Variants in MICU3 observed in about 807,000 individuals in gnomAD.
The protein encoded by MICU3 is mitochondrial calcium uptake 3, also known as calcium uptake protein 3, mitochondrial.
A neutral mutation model predicts 66.5 loss-of-function variants in MICU3; 62 were observed. The observed-to-expected ratio is 0.93, with a 90% CI of 0.76 to 1.15. The LOEUF (loss-of-function observed/expected upper bound fraction) is 1.15, where lower values mean the gene tolerates loss of function less well. Among genes scored for constraint, MICU3 ranks in the 50% most tolerant of loss-of-function variants. The pLI is 0.00. For synonymous variants in MICU3, 308 were observed against 240.7 expected, an observed-to-expected ratio of 1.28 and a Z score of -2.59; for missense variants, 779 against 664.4, an observed-to-expected ratio of 1.17 and a Z score of -1.90.
chr8:17,117,280 T>C (rs1213025627), intron 13 of MICU3, among the ~76,000 whole-genome samples: 1 of 152,192 alleles, frequency 6.6e-6, no homozygotes, highest in Admixed American at 6.5e-5. Context: ...ACCTGGCCAC[T>C]ATTTCTCATT....
chr8:17,035,699 T>C lies in MICU3; in HGVS notation c.381+8039T>C, dbSNP rs191137075. ...GTGATGTTAAAGGCATTCAGTTTTA[T>C]GTATTCACAAAGATATGGTTTGGAA... On this transcript the variant is annotated intron_variant, in intron 1 of 14. Coordinates refer to ENST00000318063, the MANE Select transcript of MICU3 (RefSeq NM_181723.3). Among the ~76,000 whole-genome samples the C allele has an allele frequency of 2.0e-4, 30 of 152,344 alleles. No homozygotes were observed. The East Asian group carries it at 5.2e-3, about 26-fold the overall frequency.
intron 1 of MICU3, among the ~76,000 whole-genome samples, chr8:17,052,163 C>G (rs73539156): frequency 1.3e-5 from 2 of 151,984 alleles, no homozygotes; most frequent in Non-Finnish European, 2.9e-5. Flanking sequence ...GTAAAGAACC[C>G]TATAATGTAA....
chr8:17,117,051 C>T (rs569011385), intron 13 of MICU3, among the ~76,000 whole-genome samples: 42 of 152,288 alleles, frequency 2.8e-4, no homozygotes, highest in African/African-American at 8.7e-4. Context: ...GATCACAGCT[C>T]ACTGCAGCCT....
chr8:17,099,161 A>G (rs58843780), intron 9 of MICU3, among the ~76,000 whole-genome samples: 29,358 of 151,552 alleles, frequency 0.19, 3,095 homozygotes, highest in African/African-American at 0.26. Flanking sequence ...CCATTCTTAC[A>G]CCACTGTCAA....
chr8:17,114,136 A>C lies in MICU3; in HGVS notation c.1301A>C (p.Asn434Thr), dbSNP rs758491843. ...TTCAGGTCATTTTTCCAGTTTTTAA[A>C]CAACCTAGAAGACTTTGCAATAGCC... ...DEFRSFFQFL[N>T]NLEDFAIALN... Residue 434 changes from asparagine (N) to threonine (T), a missense_variant, in exon 12 of 15, where the codon AAC (asparagine) becomes ACC (threonine). Physicochemically the swap from Asn to Thr is moderately conservative, Grantham distance 65. Coordinates refer to ENST00000318063, the MANE Select transcript of MICU3 (RefSeq NM_181723.3). 6.2e-7 allele frequency: 1 copy of C among 1,612,308 alleles called. No homozygotes were observed.
At chr8:17,137,521 T>TAAAAA in the MICU3 span, among the ~76,000 whole-genome samples, 1 of 134,604 alleles carries the variant, frequency 7.4e-6, no homozygotes, top group Non-Finnish European at 1.6e-5. Context: ...TGCTTTTTTT[T>TAAAAA]AAAAAAAAAA....
intron 1 of MICU3, among the ~76,000 whole-genome samples, chr8:17,040,672 C>T (rs72607363): frequency 0.087 from 13,249 of 152,188 alleles, 893 homozygotes; most frequent in East Asian, 0.38. Flanking sequence ...TTAGAGGCAT[C>T]CTTAGACTTC....
chr8:17,069,507 G>A (rs777609948), intron 2 of MICU3, among the ~76,000 whole-genome samples, 181 bp from the exon 3 acceptor site: 8 of 151,910 alleles, frequency 5.3e-5, no homozygotes, highest in Non-Finnish European at 1.2e-4. Context: ...TAGTATATAT[G>A]AAGCAAATAG....
At position 17,121,533 on chromosome 8, in the gene MICU3, G is replaced by GCC. The variant is rs1184988151; in HGVS notation, c.*1247_*1248insCC. ...GTCTGAATTAACGTATTTACATATT[G>GCC]CATATGGAAGATAAGTTCATTTATC... On this transcript the variant is annotated 3_prime_UTR_variant, in exon 15 of 15. Transcript: ENST00000318063. 6.6e-6 allele frequency: 1 copy of GCC among 152,062 alleles called. No individual in the cohort carries two copies. The highest frequency in any genetic ancestry group is 2.4e-5 in the African/African-American group (1 of 41,386). 9.4% of individuals were successfully genotyped at this position (152,062 alleles called of 1,614,324 possible).
At chr8:17,082,541 A>C (rs978648676) in intron 5 of MICU3, among the ~76,000 whole-genome samples, 20 of 152,168 alleles carry the variant, frequency 1.3e-4, no homozygotes, top group African/African-American at 4.8e-4. Context: ...CTTGAATGCA[A>C]GGTCCATTAT....
chr8:17,029,444 C>G (rs747559126), intron 1 of MICU3, among the ~76,000 whole-genome samples: 4 of 152,090 alleles, frequency 2.6e-5, no homozygotes, highest in Admixed American at 6.5e-5. Context: ...CCTCTGCACC[C>G]CAGCCTGGGT....
intron 2 of MICU3, among the ~76,000 whole-genome samples, chr8:17,067,981 G>A (rs1229871096): frequency 6.6e-6 from 1 of 152,022 alleles, no homozygotes; most frequent in Non-Finnish European, 1.5e-5. Flanking sequence ...AACCTAAATG[G>A]TGACTTTCTT....
chr8:17,123,724 A>G (rs895647459), downstream of MICU3, among the ~76,000 whole-genome samples: 1 of 152,076 alleles, frequency 6.6e-6, no homozygotes, highest in African/African-American at 2.4e-5. Flanking sequence ...GATTTATTCA[A>G]TGAAATACTA....
intron 1 of MICU3, among the ~76,000 whole-genome samples, chr8:17,042,872 T>C (rs1208795955): frequency 6.6e-6 from 1 of 151,566 alleles, no homozygotes; most frequent in Non-Finnish European, 1.5e-5. Context: ...ATTTGCATTG[T>C]CCCTTTTCCT....
chr8:17,079,417 A>G (rs1008020218), intron 4 of MICU3, among the ~76,000 whole-genome samples: 3 of 152,214 alleles, frequency 2.0e-5, no homozygotes, highest in Non-Finnish European at 4.4e-5. Flanking sequence ...TTTTAGAATC[A>G]TTAGGTTAGG....
intron 1 of MICU3, among the ~76,000 whole-genome samples, chr8:17,039,205 G>T (rs1426855528): frequency 6.6e-6 from 1 of 152,138 alleles, no homozygotes; most frequent in Admixed American, 6.5e-5. Context: ...TAGGCTAATT[G>T]TAGCATAAAC....
At chr8:17,085,163 C>T (rs1799334700) in intron 5 of MICU3, 73 bp from the exon 6 acceptor site, 1 of 967,560 alleles carries the variant, frequency 1.0e-6, no homozygotes, top group Non-Finnish European at 1.6e-6. Flanking sequence ...AGTAACTTTA[C>T]AACTAATATG....
At chr8:17,040,353 T>C (rs1423415663) in intron 1 of MICU3, among the ~76,000 whole-genome samples, 1 of 152,206 alleles carries the variant, frequency 6.6e-6, no homozygotes, top group Non-Finnish European at 1.5e-5. Flanking sequence ...AATCCAGAAA[T>C]AAATTACAAT....
intron 9 of MICU3, among the ~76,000 whole-genome samples, chr8:17,101,009 T>G (rs1801208925): frequency 6.6e-6 from 1 of 151,800 alleles, no homozygotes; most frequent in African/African-American, 2.4e-5. Context: ...AATCAAAAGT[T>G]TGAAGATTTC....
Sources: gnomAD v4.1 joint callset for allele counts (sites outside exome capture counted in the v4.1 genomes callset) on GRCh38, gnomAD v4.1.1 for gene constraint, MANE v1.5 for transcripts, NCBI Gene and HGNC (gene_info 2026-07-23, HGNC 2026-07-21) for gene names.